Variants in NCOA1 observed in about 807,000 individuals in gnomAD.
NCOA1 encodes the protein Hin-2 protein.
In NCOA1, 35 loss-of-function variants were observed where a neutral mutation model predicts 150.9. The ratio of observed to expected loss-of-function variants is 0.23; its 90% CI spans 0.18 to 0.31. The LOEUF (loss-of-function observed/expected upper bound fraction) is 0.31. Among genes scored for constraint, NCOA1 ranks in the 10% least tolerant of loss-of-function variants. The pLI, the probability that NCOA1 is intolerant of heterozygous loss-of-function variation, is 1.00. For synonymous variants in NCOA1, 590 were observed against 630.0 expected, an observed-to-expected ratio of 0.94 and a Z score of 0.95; for missense variants, 1,491 against 1,749.3, an observed-to-expected ratio of 0.85 and a Z score of 2.63.
chr2:24,579,963 C>T (rs1667134293), intron 2 of NCOA1, among the ~76,000 whole-genome samples: 1 of 152,102 alleles, frequency 6.6e-6, no homozygotes, highest in Non-Finnish European at 1.5e-5. Context: ...CATTGAGTCC[C>T]CAGATTCCAG....
intron 17 of NCOA1, among the ~76,000 whole-genome samples, chr2:24,734,519 A>C (rs1663188267): frequency 6.6e-6 from 1 of 152,136 alleles, no homozygotes; most frequent in Non-Finnish European, 1.5e-5. Flanking sequence ...ACCAGGCTGG[A>C]TGTGATGGCT....
intron 19 of NCOA1, among the ~76,000 whole-genome samples, chr2:24,748,997 A>C (rs1291401652): frequency 6.6e-6 from 1 of 152,224 alleles, no homozygotes; most frequent in African/African-American, 2.4e-5. Flanking sequence ...TCTTCCTTAA[A>C]AGTATTTAAC....
intron 1 of NCOA1, among the ~76,000 whole-genome samples, chr2:24,494,319 A>C (rs1464242773): frequency 6.6e-6 from 1 of 152,186 alleles, no homozygotes; most frequent in Admixed American, 6.5e-5. Flanking sequence ...CATCAATTTC[A>C]TATACCTCCT....
chr2:24,707,404 T>TA lies in NCOA1; in HGVS notation c.1935dup (p.Arg646ThrfsTer4), dbSNP rs1224244826. On this transcript the variant is annotated frameshift_variant, in exon 13 of 23. Transcript: ENST00000348332. LOFTEE classifies it high-confidence loss of function. Reference sequence around the variant, plus strand: ...TTGACAACAACTGCCGAACAGCAGTTACGGCATGCTGATATAGACACAAGC... The same window carrying TA: ...TTGACAACAACTGCCGAACAGCAGTTAACGGCATGCTGATATAGACACAAGC... 1 of 1,614,106 alleles carries TA rather than the reference T, an allele frequency of 6.2e-7. No homozygotes were observed. Among genetic ancestry groups the TA allele is most frequent in the African/African-American group, 1.3e-5 (1 of 74,944 alleles).
chr2:24,599,836 T>G (rs1309952117), intron 3 of NCOA1, among the ~76,000 whole-genome samples: 1 of 151,214 alleles, frequency 6.6e-6, no homozygotes, highest in African/African-American at 2.4e-5. Context: ...TTTTAAGCGA[T>G]TCTCGTGCCT....
chr2:24,724,083 TTG>T lies in NCOA1; in HGVS notation c.2600-2504_2600-2503del, dbSNP rs531729146. 1.7e-4 allele frequency among the ~76,000 whole-genome samples: 21 copies of T among 126,576 alleles called. No individual in the cohort carries two copies. In the East Asian group the frequency reaches 7.8e-3, roughly 47 times the overall value. 83.0% of individuals were successfully genotyped at this position (126,576 alleles called of 152,430 possible). A position where few individuals can be genotyped will look rare whatever the true frequency, so the allele number is the denominator to read the frequency against. ...TAAGGGGGGTTTTTTTGTTTGTTTT[TTG>T]TTTTGTTTTGTTTTGTTTTGTTTTG... is the stretch of plus-strand genomic sequence containing the variant. On this transcript the variant is annotated intron_variant, in intron 14 of 22. Transcript: ENST00000348332.
At chr2:24,513,253 C>T (rs750080858) in intron 1 of NCOA1, among the ~76,000 whole-genome samples, 2 of 152,178 alleles carry the variant, frequency 1.3e-5, no homozygotes, top group Non-Finnish European at 2.9e-5. Flanking sequence ...TCAGCCTTCT[C>T]TGTACCCTCT....
intron 1 of NCOA1, among the ~76,000 whole-genome samples, chr2:24,556,254 T>G (rs1215300496): frequency 6.6e-6 from 1 of 152,174 alleles, no homozygotes; most frequent in Non-Finnish European, 1.5e-5. Context: ...CGGTGTTTGG[T>G]TTTCTGTTCT....
intron 1 of NCOA1, among the ~76,000 whole-genome samples, chr2:24,527,237 C>G (rs907217656): frequency 6.6e-6 from 1 of 152,110 alleles, no homozygotes; most frequent in Non-Finnish European, 1.5e-5. Context: ...TATTATAGTC[C>G]TGATGTTGTA....
chr2:24,647,004 C>T (rs1380449669), intron 4 of NCOA1, among the ~76,000 whole-genome samples: 2 of 151,966 alleles, frequency 1.3e-5, no homozygotes, highest in East Asian at 1.9e-4. Context: ...TATATTATAA[C>T]GTATGATAGA....
At chr2:24,748,213 A>G (rs186117951) in intron 19 of NCOA1, among the ~76,000 whole-genome samples, 6 of 152,354 alleles carry the variant, frequency 3.9e-5, no homozygotes, top group Non-Finnish European at 5.9e-5. Context: ...AGCTTCATTT[A>G]TATAATCTTT....
intron 3 of NCOA1, among the ~76,000 whole-genome samples, chr2:24,591,849 G>A (rs1464700552): frequency 6.6e-6 from 1 of 151,822 alleles, no homozygotes; most frequent in South Asian, 2.1e-4. Flanking sequence ...CCATTTCTAT[G>A]TATCCATTAC....
chr2:24,627,036 G>A (rs1473480568), intron 3 of NCOA1, among the ~76,000 whole-genome samples: 12 of 150,906 alleles, frequency 8.0e-5, no homozygotes, highest in African/African-American at 2.7e-4. Flanking sequence ...GGTATACTGA[G>A]TAAAAGAAAT....
chr2:24,720,078 G>A (rs545196603), intron 14 of NCOA1, among the ~76,000 whole-genome samples: 2 of 152,094 alleles, frequency 1.3e-5, no homozygotes, highest in Admixed American at 6.5e-5. Context: ...TAGTAAGAGA[G>A]GTACATGTGG....
chr2:24,617,508 C>G (rs1374547714), intron 3 of NCOA1, among the ~76,000 whole-genome samples: 5 of 152,170 alleles, frequency 3.3e-5, no homozygotes, highest in African/African-American at 9.7e-5. Context: ...ATCTCATACA[C>G]TCCACTATCA....
At chr2:24,521,625 T>C (rs540041204) in intron 1 of NCOA1, among the ~76,000 whole-genome samples, 1 of 152,354 alleles carries the variant, frequency 6.6e-6, no homozygotes, top group East Asian at 1.9e-4. Context: ...CTTTATCTAT[T>C]AGTCCATCTT....
chr2:24,720,618 T>C (rs1047739096), intron 14 of NCOA1, among the ~76,000 whole-genome samples: 2 of 151,262 alleles, frequency 1.3e-5, no homozygotes, highest in Admixed American at 6.6e-5. Context: ...TGTGTAGATA[T>C]AGACAGGAAA....
intron 3 of NCOA1, among the ~76,000 whole-genome samples, chr2:24,639,913 T>TGG (rs1670111134): frequency 1.3e-4 from 1 of 7,604 alleles, no homozygotes; most frequent in African/African-American, 2.0e-4. Flanking sequence ...AGTATGTGTG[T>TGG]GTGTATATAT....
chr2:24,741,680 A>G lies in NCOA1; in HGVS notation c.3304-104A>G, dbSNP rs1031685387. 2.1e-5 allele frequency: 26 copies of G among 1,232,178 alleles called. No homozygotes were observed. In the East Asian group the frequency reaches 4.3e-4, roughly 21 times the overall value. 76.3% of individuals were successfully genotyped at this position (1,232,178 alleles called of 1,614,324 possible). A position where few individuals can be genotyped will look rare whatever the true frequency, so the allele number is the denominator to read the frequency against. On this transcript the variant is annotated intron_variant, in intron 18 of 22. Coordinates refer to ENST00000348332, the MANE Select transcript of NCOA1 (RefSeq NM_003743.5). ...TTTCCCTTGTACAGTGATAATTGCT[A>G]TGTACTTTATTGCCCCAAGCAAGTA...
Sources: allele counts gnomAD v4.1 joint callset (sites outside exome capture counted in the v4.1 genomes callset), GRCh38; gene constraint gnomAD v4.1.1; transcripts MANE v1.5; gene names NCBI Gene and HGNC (gene_info 2026-07-23, HGNC 2026-07-21).